The following SAMD4A variants were observed in gnomAD, a reference collection of about 807,000 sequenced individuals.
SAMD4A encodes sterile alpha motif domain containing 4A.
SAMD4A carries 33 observed loss-of-function variants against 81.3 expected under a neutral mutation model. That is an observed-to-expected ratio of 0.41 (90% confidence interval 0.31 to 0.54). The LOEUF is 0.54. SAMD4A is among the 20% of genes least tolerant of loss of function. The probability of loss-of-function intolerance (pLI) is 0.37; values close to 1 mark genes in which losing one functional copy is unlikely to be tolerated. For missense variants in SAMD4A, 854 were observed against 951.1 expected (o/e 0.90, Z 1.34); for synonymous variants, 389 against 382.1 (o/e 1.02, Z -0.21).
intron 2 of SAMD4A, among the ~76,000 whole-genome samples, chr14:54,603,802 GTTTGTTTGTTTA>G (rs1158123256): frequency 6.7e-6 from 1 of 148,534 alleles, no homozygotes; most frequent in African/African-American, 2.5e-5. Flanking sequence ...TTATTTGTTT[GTTTGTTTGTTTA>G]TTTGTTTATT....
At chr14:54,724,916 G>C (rs1358298157) in intron 3 of SAMD4A, among the ~76,000 whole-genome samples, 1 of 152,168 alleles carries the variant, frequency 6.6e-6, no homozygotes, top group East Asian at 1.9e-4. Context: ...ATGAGCTGGG[G>C]TGTGAGAGAG....
chr14:54,744,486 C>A (rs532306612), intron 4 of SAMD4A, among the ~76,000 whole-genome samples: 1 of 152,262 alleles, frequency 6.6e-6, no homozygotes, highest in East Asian at 1.9e-4. Context: ...TGGTAAAGAC[C>A]AGCAGGCAAA....
At chr14:54,784,123 G>T in intron 11 of SAMD4A, 1 of 536,810 alleles carries the variant, frequency 1.9e-6, no homozygotes, top group Non-Finnish European at 3.4e-6. Flanking sequence ...GAACAGCGGT[G>T]CAAAGGCCGT....
chr14:54,666,609 C>A (rs2035764594), intron 2 of SAMD4A, among the ~76,000 whole-genome samples: 1 of 152,180 alleles, frequency 6.6e-6, no homozygotes, highest in South Asian at 2.1e-4. Context: ...TGGCCATTCT[C>A]CTGCTAACCA....
chr14:54,595,374 G>C (rs1348295128), intron 2 of SAMD4A, among the ~76,000 whole-genome samples: 1 of 149,890 alleles, frequency 6.7e-6, no homozygotes, highest in Non-Finnish European at 1.5e-5. Context: ...AGTCAAAATG[G>C]GTACAGGGCT....
chr14:54,622,684 C>T (rs1307089946), intron 2 of SAMD4A, among the ~76,000 whole-genome samples: 1 of 152,202 alleles, frequency 6.6e-6, no homozygotes, highest in East Asian at 1.9e-4. Flanking sequence ...TAGGAATCCT[C>T]CTGGAGCTTT....
chr14:54,605,323 C>T (rs543472281), intron 2 of SAMD4A, among the ~76,000 whole-genome samples: 80 of 152,116 alleles, frequency 5.3e-4, no homozygotes, highest in African/African-American at 1.9e-3. Flanking sequence ...AAGTCATCAA[C>T]ATTAAATGTG....
intron 2 of SAMD4A, among the ~76,000 whole-genome samples, chr14:54,644,667 T>A (rs911069710): frequency 4.6e-5 from 7 of 152,218 alleles, no homozygotes; most frequent in African/African-American, 1.7e-4. Context: ...TTAATTCTAG[T>A]GTTCAGCTTT....
At chr14:54,711,675 G>A (rs1370292385) in intron 3 of SAMD4A, among the ~76,000 whole-genome samples, 1 of 152,074 alleles carries the variant, frequency 6.6e-6, no homozygotes, top group East Asian at 1.9e-4. Context: ...GGAGGACATT[G>A]GTTTGGTCCT....
At position 54,790,451 on chromosome 14, in the gene SAMD4A, T is replaced by C. The variant is rs1007390568; in HGVS notation, c.*1507T>C. 1 of 152,188 alleles carries C rather than the reference T, an allele frequency of 6.6e-6. No homozygotes were observed. 9.4% of individuals were successfully genotyped at this position (152,188 alleles called of 1,614,324 possible). ...AAGACACTCGTTACTTGGTGGGAGA[T>C]TGAGAAACTGTGGTACCTACCACAA... On this transcript the variant is annotated 3_prime_UTR_variant, in exon 13 of 13. Coordinates refer to ENST00000554335, the MANE Select transcript of SAMD4A (RefSeq NM_015589.6).
At chr14:54,675,367 C>CAAAAAAAAAAAA (rs59110762) in intron 2 of SAMD4A, among the ~76,000 whole-genome samples, 9,196 of 74,740 alleles carry the variant, frequency 0.12, 1,350 homozygotes, top group Non-Finnish European at 0.17. Flanking sequence ...ACTCCGTCTC[C>CAAAAAAAAAAAA]AAAAAAAAAA....
At chr14:54,567,362 G>C (rs898631700) in intron 1 of SAMD4A, 24 bp downstream of exon 1, 21 of 152,670 alleles carry the variant, frequency 1.4e-4, no homozygotes, top group African/African-American at 5.1e-4. Flanking sequence ...GGAGGGGGCG[G>C]CTGGATTTCG....
intron 2 of SAMD4A, among the ~76,000 whole-genome samples, chr14:54,673,495 A>G (rs1356920251): frequency 6.6e-6 from 1 of 152,196 alleles, no homozygotes; most frequent in East Asian, 1.9e-4. Flanking sequence ...CAGCGTCAGC[A>G]TAGCGGGCTG....
At chr14:54,738,313 C>G (rs1196246327) in intron 4 of SAMD4A, among the ~76,000 whole-genome samples, 1 of 152,218 alleles carries the variant, frequency 6.6e-6, no homozygotes, top group Non-Finnish European at 1.5e-5. Context: ...ATGCCCATGA[C>G]TGCCCAACCA....
At chr14:54,629,545 T>A (rs1449376110) in intron 2 of SAMD4A, among the ~76,000 whole-genome samples, 2 of 152,242 alleles carry the variant, frequency 1.3e-5, no homozygotes, top group Non-Finnish European at 2.9e-5. Flanking sequence ...TTTCTATGCA[T>A]GTATATTTAT....
At chr14:54,783,251 G>A (rs1170112755) in intron 11 of SAMD4A, among the ~76,000 whole-genome samples, 2 of 152,088 alleles carry the variant, frequency 1.3e-5, no homozygotes, top group East Asian at 1.9e-4. Flanking sequence ...TCGCTCAGTA[G>A]ACATGTATGA....
chr14:54,626,057 T>TGCGC (rs71446502), intron 2 of SAMD4A, among the ~76,000 whole-genome samples: 1,167 of 105,726 alleles, frequency 0.011, 5 homozygotes, highest in Admixed American at 0.016. Flanking sequence ...TGTGTGTGTG[T>TGCGC]GTGCGCGCGC....
In SAMD4A at chr14:54,760,490, G is replaced by A. The variant is rs1180658064; in HGVS notation, c.1506G>A (p.Gly502=). Residue 502 remains glycine, a synonymous_variant, in exon 7 of 13, where the codon GGG becomes GGA. Transcript: ENST00000554335. ...DLPGQFTRVM[G]KVCTQLLVSR... Reference sequence around the variant, plus strand: ...CCGGGCAGTTCACACGCGTCATGGGGAAAGGTAGAGCCTCATTCGCCCATT... The same window carrying A: ...CCGGGCAGTTCACACGCGTCATGGGAAAAGGTAGAGCCTCATTCGCCCATT... The A allele has an allele frequency of 2.9e-6, 4 of 1,396,614 alleles. No individual in the cohort carries two copies. Among genetic ancestry groups the A allele is most frequent in the East Asian group, 5.8e-5 (2 of 34,604 alleles). 86.5% of individuals were successfully genotyped at this position (1,396,614 alleles called of 1,614,324 possible). A position where few individuals can be genotyped will look rare whatever the true frequency, so the allele number is the denominator to read the frequency against.
In SAMD4A at chr14:54,728,435, G is replaced by A. The variant is rs150905590; in HGVS notation, c.716-8589G>A. Among the ~76,000 whole-genome samples the A allele has an allele frequency of 5.9e-5, 9 of 152,182 alleles. No homozygotes were observed. The East Asian group carries it at 1.2e-3, about 20-fold the overall frequency. On this transcript the variant is annotated intron_variant, in intron 3 of 12. Transcript: ENST00000554335. ...CCAGAGCTTGTCTGAATCACATGGCGATTCAATCAAATATAATTAAGGAGC... is the reference window on the plus strand; with the variant it reads ...CCAGAGCTTGTCTGAATCACATGGCAATTCAATCAAATATAATTAAGGAGC...
Sources: gnomAD v4.1 joint callset for allele counts (sites outside exome capture counted in the v4.1 genomes callset) on GRCh38, gnomAD v4.1.1 for gene constraint, MANE v1.5 for transcripts, NCBI Gene and HGNC (gene_info 2026-07-23, HGNC 2026-07-21) for gene names.